Variants in NKAIN3 observed in about 807,000 individuals in gnomAD.
NKAIN3 encodes sodium/potassium transporting ATPase interacting 3, also known as sodium/potassium-transporting ATPase subunit beta-1-interacting protein 3.
Under a neutral mutation model 30.2 loss-of-function variants are expected in NKAIN3, and 25 were observed. The ratio of observed to expected loss-of-function variants is 0.83; its 90% CI spans 0.60 to 1.16. The LOEUF (loss-of-function observed/expected upper bound fraction) is 1.16, where lower values mean the gene tolerates loss of function less well. Among genes scored for constraint, NKAIN3 ranks in the 50% most tolerant of loss-of-function variants. The pLI, the probability that NKAIN3 is intolerant of heterozygous loss-of-function variation, is 0.00. For synonymous variants in NKAIN3, 91 were observed against 89.6 expected (o/e 1.02, Z -0.09); for missense variants, 225 against 254.1 (o/e 0.89, Z 0.78).
intron 3 of NKAIN3, among the ~76,000 whole-genome samples, chr8:62,603,423 G>C (rs546894986): frequency 1.3e-5 from 2 of 152,218 alleles, no homozygotes; most frequent in South Asian, 4.1e-4. Context: ...TGCCCTGCAG[G>C]AGCAGAGGAG....
chr8:62,345,431 A>G (rs968784987), intron 1 of NKAIN3, among the ~76,000 whole-genome samples: 60 of 132,510 alleles, frequency 4.5e-4, no homozygotes, highest in African/African-American at 1.5e-3. Context: ...ATATATACAC[A>G]TATATGTATA....
chr8:62,713,068 A>T (rs138923161), intron 3 of NKAIN3, among the ~76,000 whole-genome samples: 1 of 152,124 alleles, frequency 6.6e-6, no homozygotes, highest in Non-Finnish European at 1.5e-5. Context: ...GGGCACTCAC[A>T]GTATTTGGGG....
intron 4 of NKAIN3, among the ~76,000 whole-genome samples, chr8:62,848,355 T>C (rs1276778737): frequency 6.6e-6 from 1 of 152,122 alleles, no homozygotes; most frequent in Non-Finnish European, 1.5e-5. Flanking sequence ...TTTTCAATGG[T>C]TTGTAGTTCT....
chr8:62,575,403 C>A (rs1483606327), intron 1 of NKAIN3, among the ~76,000 whole-genome samples: 2 of 151,660 alleles, frequency 1.3e-5, no homozygotes, highest in Non-Finnish European at 2.9e-5. Flanking sequence ...TAGGAATTAA[C>A]CAAAAATGTG....
chr8:62,993,556 C>T (rs552925633), intron 5 of NKAIN3, among the ~76,000 whole-genome samples: 153 of 152,202 alleles, frequency 1.0e-3, no homozygotes, highest in African/African-American at 3.6e-3. Context: ...CCCTTTCTCC[C>T]GGCACTGGAA....
intron 3 of NKAIN3, among the ~76,000 whole-genome samples, chr8:62,607,262 GA>G (rs1811157542): frequency 6.6e-6 from 1 of 152,112 alleles, no homozygotes; most frequent in South Asian, 2.1e-4. Flanking sequence ...CTGGATTTTG[GA>G]ATGAGGTTAT....
chr8:62,318,877 T>A (rs1195161128), intron 1 of NKAIN3, among the ~76,000 whole-genome samples: 2 of 152,170 alleles, frequency 1.3e-5, no homozygotes, highest in Non-Finnish European at 2.9e-5. Flanking sequence ...TCCCTCTTTT[T>A]CTATTGATTG....
At chr8:62,448,684 G>T (rs1490751753) in intron 1 of NKAIN3, among the ~76,000 whole-genome samples, 1 of 151,884 alleles carries the variant, frequency 6.6e-6, no homozygotes, top group African/African-American at 2.4e-5. Context: ...AGACCTAGAA[G>T]AGGCAGCTCT....
intron 5 of NKAIN3, among the ~76,000 whole-genome samples, chr8:62,996,673 G>T (rs1000483827): frequency 1.3e-5 from 2 of 152,164 alleles, no homozygotes; most frequent in Non-Finnish European, 2.9e-5. Flanking sequence ...GATACAATGG[G>T]GGGTACAAGT....
chr8:62,314,967 G>T (rs1010146823), intron 1 of NKAIN3, among the ~76,000 whole-genome samples: 1 of 152,116 alleles, frequency 6.6e-6, no homozygotes, highest in African/African-American at 2.4e-5. Context: ...GATTTGTCCA[G>T]TGTGCTTATT....
intron 1 of NKAIN3, among the ~76,000 whole-genome samples, chr8:62,325,452 T>C (rs1446588039): frequency 6.6e-6 from 1 of 152,098 alleles, no homozygotes; most frequent in East Asian, 1.9e-4. Context: ...TGCATGTCCA[T>C]GTGTCCTTTA....
chr8:62,667,345 C>CATATATATA (rs1563507953), intron 3 of NKAIN3, among the ~76,000 whole-genome samples: 2 of 80,240 alleles, frequency 2.5e-5, no homozygotes, highest in African/African-American at 1.1e-4. Context: ...TATATATATT[C>CATATATATA]TTTATATATA....
intron 4 of NKAIN3, among the ~76,000 whole-genome samples, chr8:62,904,620 C>T (rs568594939): frequency 6.6e-6 from 1 of 152,310 alleles, no homozygotes; most frequent in South Asian, 2.1e-4. Flanking sequence ...AAGGGAACTT[C>T]AGAATTGCTA....
intron 1 of NKAIN3, among the ~76,000 whole-genome samples, chr8:62,522,110 C>T (rs1808177652): frequency 7.2e-5 from 11 of 152,076 alleles, no homozygotes. Flanking sequence ...GAGGTTAGAT[C>T]TCATCATATT....
At chr8:62,675,866 A>C (rs1813460709) in intron 3 of NKAIN3, among the ~76,000 whole-genome samples, 1 of 152,098 alleles carries the variant, frequency 6.6e-6, no homozygotes, top group African/African-American at 2.4e-5. Context: ...TGTTATTTTG[A>C]GTTTGCTTTT....
chr8:62,503,893 A>C (rs1299251451), intron 1 of NKAIN3, among the ~76,000 whole-genome samples: 2 of 152,194 alleles, frequency 1.3e-5, no homozygotes, highest in Admixed American at 1.3e-4. Flanking sequence ...CAATTTGTAC[A>C]GTTAACATAA....
rs57079455 is a variant in NKAIN3, at chr8:62,331,094, C to CAT, written c.54+81978_54+81979dup. ...CTCTCTCTCTGTCTCTCTCTCTCTC[C>CAT]ATATATATATATGTATATATGTATG... On this transcript the variant is annotated intron_variant, in intron 1 of 6. Transcript: ENST00000623646. Among the ~76,000 whole-genome samples, 828 of 148,122 alleles carry CAT rather than the reference C, an allele frequency of 5.6e-3. 9 individuals are homozygous for CAT. Among genetic ancestry groups the CAT allele is most frequent in the African/African-American group, 0.017 (690 of 40,130 alleles).
intron 4 of NKAIN3, among the ~76,000 whole-genome samples, chr8:62,801,254 G>A (rs1331588849): frequency 6.6e-6 from 1 of 152,196 alleles, no homozygotes; most frequent in Admixed American, 6.5e-5. Context: ...TGACAGCTTT[G>A]AAGAGAGCAG....
chr8:62,868,110 A>T (rs1820481791), intron 4 of NKAIN3, among the ~76,000 whole-genome samples: 1 of 152,180 alleles, frequency 6.6e-6, no homozygotes, highest in South Asian at 2.1e-4. Flanking sequence ...GGAGTTTGAA[A>T]AACATCTTTA....
Sources: gnomAD v4.1 joint callset for allele counts (sites outside exome capture counted in the v4.1 genomes callset) on GRCh38, gnomAD v4.1.1 for gene constraint, MANE v1.5 for transcripts, NCBI Gene and HGNC (gene_info 2026-07-23, HGNC 2026-07-21) for gene names.